NAT2: variants seen among roughly 807,000 people sequenced by gnomAD.
NAT2 encodes arylamine N-acetyltransferase 2.
For missense variants in NAT2, 428 were observed against 339.1 expected, an observed-to-expected ratio of 1.26 and a Z score of -2.06; for synonymous variants, 137 against 125.9, an observed-to-expected ratio of 1.09 and a Z score of -0.59.
At chr8:18,397,519 G>A (rs1418170008) in intron 1 of NAT2, among the ~76,000 whole-genome samples, 2 of 152,082 alleles carry the variant, frequency 1.3e-5, no homozygotes, top group Non-Finnish European at 2.9e-5. Context: ...GTTGGAAGTG[G>A]CATGTGTATA....
upstream of NAT2, chr8:18,387,819 G>C (rs900878314): frequency 5.2e-5 from 8 of 152,608 alleles, no homozygotes; most frequent in African/African-American, 1.9e-4. Flanking sequence ...CCATTGTACA[G>C]GCCTTTGATG....
chr8:18,400,633 G>A lies in NAT2; in HGVS notation c.630G>A (p.Gln210=). 3 of 1,613,968 alleles carry A rather than the reference G, an allele frequency of 1.9e-6. No individual in the cohort carries two copies. Among genetic ancestry groups the A allele is most frequent in the Non-Finnish European group, 2.5e-6 (3 of 1,179,982 alleles). The change falls in exon 2 of 2, where the codon CAG becomes CAA. Residue 210 remains glutamine, a synonymous_variant. Transcript: ENST00000286479. Reference sequence around the variant, plus strand: ...TTGAGTCTATGAATACATACCTGCAGACGTCTCCAACATCTTCATTTATAA... The same window carrying A: ...TTGAGTCTATGAATACATACCTGCAAACGTCTCCAACATCTTCATTTATAA... ...EDFESMNTYL[Q]TSPTSSFITT... is the part of the protein sequence containing the mutation.
chr8:18,390,730 AG>A (rs1256261979), upstream of NAT2, among the ~76,000 whole-genome samples: 2 of 152,158 alleles, frequency 1.3e-5, no homozygotes, highest in Non-Finnish European at 2.9e-5. Context: ...ATGTCAAAAA[AG>A]CAGAAACAAA....
At chr8:18,389,989 G>T (rs1221711530), upstream of NAT2, among the ~76,000 whole-genome samples, 1 of 152,164 alleles carries the variant, frequency 6.6e-6, no homozygotes, top group Admixed American at 6.5e-5. Flanking sequence ...TGCATTGTTG[G>T]CAGGCTGCCT....
At chr8:18,399,572 C>A (rs2117620624) in intron 1 of NAT2, among the ~76,000 whole-genome samples, 1 of 152,282 alleles carries the variant, frequency 6.6e-6, no homozygotes, top group East Asian at 1.9e-4. Context: ...AATGGGAAAT[C>A]AAGTGGGTCA....
upstream of NAT2, among the ~76,000 whole-genome samples, chr8:18,390,375 T>G (rs914410893): frequency 6.6e-6 from 1 of 152,146 alleles, no homozygotes; most frequent in Non-Finnish European, 1.5e-5. Context: ...GAGTTGTTAC[T>G]GGAGAGAAAA....
In NAT2 at chr8:18,400,964, A is replaced by G; in HGVS notation, c.*88A>G. 2.1e-6 allele frequency: 2 copies of G among 930,752 alleles called. No homozygotes were observed. Among genetic ancestry groups the G allele is most frequent in the South Asian group, 3.2e-5 (1 of 31,478 alleles). The allele number at this position is 930,752 out of a possible 1,614,324, so 57.7% of individuals were successfully genotyped here. A position where few individuals can be genotyped will look rare whatever the true frequency, so the allele number is the denominator to read the frequency against. On this transcript the variant is annotated 3_prime_UTR_variant, in exon 2 of 2. Transcript: ENST00000286479. The stretch of plus-strand genomic sequence containing the variant: ...GCTATCAGATATCCTCTCTACCCTC[A>G]CGTTATTTTGAAGAAAATCCTAAAC...
At chr8:18,388,503 G>C (rs192268879), upstream of NAT2, among the ~76,000 whole-genome samples, 3 of 2,450 alleles carry the variant, frequency 1.2e-3, no homozygotes, top group Non-Finnish European at 1.9e-3. Context: ...TAGATAATAA[G>C]CAAAAAAAAA....
At chr8:18,395,570 G>A (rs751805660) in intron 1 of NAT2, among the ~76,000 whole-genome samples, 2 of 151,886 alleles carry the variant, frequency 1.3e-5, no homozygotes, top group Non-Finnish European at 2.9e-5. Flanking sequence ...GTCTGTTTTT[G>A]GCTTCAGGGG....
At chr8:18,390,726 A>ATT (rs5889794), upstream of NAT2, among the ~76,000 whole-genome samples, 3 of 151,264 alleles carry the variant, frequency 2.0e-5, no homozygotes, top group Non-Finnish European at 3.0e-5. Flanking sequence ...GTTAATGTCA[A>ATT]AAAAGCAGAA....
At chr8:18,399,794 T>C (rs1378341404) in intron 1 of NAT2, among the ~76,000 whole-genome samples, 3 of 152,186 alleles carry the variant, frequency 2.0e-5, no homozygotes, top group Admixed American at 6.5e-5. Flanking sequence ...ATACTTTCCT[T>C]ACAGGGTTCT....
rs371502627 is a variant in NAT2 at position 18,399,930 on chromosome 8, A to G, written c.-6-68A>G. ...CGTATTTAAAATACGTTATACCTAT[A>G]ATTAGTCACACGAGGAAATCAAATG... On this transcript the variant is annotated intron_variant, in intron 1 of 1. Coordinates refer to ENST00000286479, the MANE Select transcript of NAT2 (RefSeq NM_000015.3). The G allele has an allele frequency of 1.2e-5, 17 of 1,463,856 alleles. 1 individual carries two copies. The African/African-American group carries it at 1.3e-4, about 11-fold the overall frequency. 90.7% of individuals were successfully genotyped at this position (1,463,856 alleles called of 1,614,324 possible).
chr8:18,390,325 A>T (rs1251133999), upstream of NAT2, among the ~76,000 whole-genome samples: 3 of 152,250 alleles, frequency 2.0e-5, no homozygotes, highest in Non-Finnish European at 4.4e-5. Flanking sequence ...TTTAGCTCAT[A>T]GAAGTTAAGA....
At chr8:18,390,167 C>A (rs1215877516), upstream of NAT2, among the ~76,000 whole-genome samples, 1 of 148,312 alleles carries the variant, frequency 6.7e-6, no homozygotes, top group Non-Finnish European at 1.5e-5. Context: ...TCCATCTGCC[C>A]AAGCACAGGC....
chr8:18,395,128 T>A (rs1022686340), intron 1 of NAT2, among the ~76,000 whole-genome samples: 1 of 152,204 alleles, frequency 6.6e-6, no homozygotes, highest in African/African-American at 2.4e-5. Context: ...GGGTGAGCAA[T>A]CTTCATGAAC....
rs551212725 is a variant in NAT2, at chr8:18,393,035, C to T, written c.-7+1690C>T. 7.9e-5 allele frequency among the ~76,000 whole-genome samples: 12 copies of T among 152,012 alleles called. No individual in the cohort carries two copies. The East Asian group carries it at 9.8e-4, about 12-fold the overall frequency. ...TGCATTAATGGACATTGTCCACAGA[C>T]GCAAATTTTCCTCAGTTAAGACAGT... On this transcript the variant is annotated intron_variant, in intron 1 of 1. Coordinates refer to ENST00000286479, the MANE Select transcript of NAT2 (RefSeq NM_000015.3).
At chr8:18,390,721 T>C (rs1800579024), upstream of NAT2, among the ~76,000 whole-genome samples, 1 of 113,412 alleles carries the variant, frequency 8.8e-6, no homozygotes, top group African/African-American at 2.8e-5. Flanking sequence ...TTAATGTTAA[T>C]GTCAAAAAAG....
intron 1 of NAT2, among the ~76,000 whole-genome samples, chr8:18,399,033 A>G (rs564866987): frequency 1.3e-5 from 2 of 152,302 alleles, no homozygotes; most frequent in South Asian, 4.2e-4. Context: ...ATAGAAGCCA[A>G]AATATAAGCA....
At chr8:18,392,562 G>C (rs758991913) in intron 1 of NAT2, among the ~76,000 whole-genome samples, 1 of 152,148 alleles carries the variant, frequency 6.6e-6, no homozygotes, top group Non-Finnish European at 1.5e-5. Flanking sequence ...GTGCCCACCC[G>C]GATTGAGGGT....
Sources: allele counts gnomAD v4.1 joint callset (sites outside exome capture counted in the v4.1 genomes callset), GRCh38; gene constraint gnomAD v4.1.1; transcripts MANE v1.5; gene names NCBI Gene and HGNC (gene_info 2026-07-23, HGNC 2026-07-21).